SORCS3: variants seen among roughly 807,000 people sequenced by gnomAD.
SORCS3 encodes the protein VPS10 domain-containing receptor SorCS3.
SORCS3 carries 57 observed loss-of-function variants against 146.3 expected under a neutral mutation model. The observed-to-expected ratio is 0.39, with a 90% CI of 0.31 to 0.49. The LOEUF (loss-of-function observed/expected upper bound fraction) is 0.49, where lower values mean the gene tolerates loss of function less well. Among genes scored for constraint, SORCS3 ranks in the 20% least tolerant of loss-of-function variants. The pLI, the probability that SORCS3 is intolerant of heterozygous loss-of-function variation, is 0.92. For synonymous variants in SORCS3, 653 were observed against 618.5 expected (o/e 1.06, Z -0.83); for missense variants, 1,341 against 1,575.5 (o/e 0.85, Z 2.52).
chr10:104,687,099 A>G (rs1157620665), intron 1 of SORCS3, among the ~76,000 whole-genome samples: 5 of 152,136 alleles, frequency 3.3e-5, no homozygotes, highest in Non-Finnish European at 7.4e-5. Flanking sequence ...CCATGCATTC[A>G]TCTTTCCATC....
At chr10:104,715,688 T>C (rs1056478876) in intron 1 of SORCS3, among the ~76,000 whole-genome samples, 1 of 152,200 alleles carries the variant, frequency 6.6e-6, no homozygotes, top group Non-Finnish European at 1.5e-5. Context: ...TCTAGGTGTA[T>C]TTTAAAATGT....
intron 1 of SORCS3, among the ~76,000 whole-genome samples, chr10:104,832,524 C>A (rs759047088): frequency 6.6e-6 from 1 of 152,232 alleles, no homozygotes; most frequent in East Asian, 1.9e-4. Context: ...TTGAGACCAG[C>A]CTTGCCAACA....
intron 1 of SORCS3, among the ~76,000 whole-genome samples, chr10:104,697,334 A>T (rs756680080): frequency 2.6e-5 from 4 of 152,154 alleles, no homozygotes; most frequent in Admixed American, 6.6e-5. Context: ...GTTAAATTGG[A>T]TTGAAGGCTA....
At chr10:104,687,510 G>A (rs2133419578) in intron 1 of SORCS3, among the ~76,000 whole-genome samples, 1 of 152,260 alleles carries the variant, frequency 6.6e-6, no homozygotes, top group Admixed American at 6.5e-5. Context: ...TACACACTAA[G>A]GTGTAAATGA....
intron 1 of SORCS3, among the ~76,000 whole-genome samples, chr10:104,709,505 T>C (rs1243561285): frequency 6.6e-6 from 1 of 152,246 alleles, no homozygotes; most frequent in Non-Finnish European, 1.5e-5. Context: ...ACATCATTCA[T>C]GTAATACTAA....
intron 1 of SORCS3, among the ~76,000 whole-genome samples, chr10:104,758,536 G>C (rs540077170): frequency 6.6e-6 from 1 of 152,254 alleles, no homozygotes; most frequent in African/African-American, 2.4e-5. Context: ...TGCAGAGGGG[G>C]AAACTTTGTC....
rs543778168 is a variant in SORCS3, at chr10:105,066,746, T to G, written c.1029-23029T>G. On this transcript the variant is annotated intron_variant, in intron 5 of 26. Coordinates refer to ENST00000369701, the MANE Select transcript of SORCS3 (RefSeq NM_014978.3). Reference sequence around the variant, plus strand: ...GTTTTCTAATTGGCTTCCCCTCCTATTCCTCCTATTTGGAGGAGTCAGGCT... The same window carrying G: ...GTTTTCTAATTGGCTTCCCCTCCTAGTCCTCCTATTTGGAGGAGTCAGGCT... Among the ~76,000 whole-genome samples, 10 of 152,234 alleles carry G rather than the reference T, an allele frequency of 6.6e-5. No homozygotes were observed. In the South Asian group the frequency reaches 2.1e-3, roughly 32 times the overall value.
chr10:104,709,263 C>G (rs2016384966), intron 1 of SORCS3, among the ~76,000 whole-genome samples: 1 of 152,106 alleles, frequency 6.6e-6, no homozygotes, highest in Non-Finnish European at 1.5e-5. Context: ...ACATGGAATT[C>G]ATTCATCTCC....
chr10:104,995,574 T>C (rs1399931250), intron 4 of SORCS3, among the ~76,000 whole-genome samples: 2 of 152,206 alleles, frequency 1.3e-5, no homozygotes, highest in East Asian at 1.9e-4. Flanking sequence ...ATCTATATGT[T>C]TTCTATGGTT....
At chr10:105,180,418 A>G (rs1589675854) in intron 14 of SORCS3, among the ~76,000 whole-genome samples, 1 of 152,246 alleles carries the variant, frequency 6.6e-6, no homozygotes, top group Non-Finnish European at 1.5e-5. Flanking sequence ...GGAAGTCAGT[A>G]ATCGTTGAAT....
At chr10:104,653,140 G>T (rs1206164517) in intron 1 of SORCS3, among the ~76,000 whole-genome samples, 2 of 152,278 alleles carry the variant, frequency 1.3e-5, no homozygotes, top group African/African-American at 4.8e-5. Context: ...AGTGTCCTGA[G>T]CTTTGAGGTC....
chr10:104,750,240 A>G (rs1158890010), intron 1 of SORCS3, among the ~76,000 whole-genome samples: 3 of 152,216 alleles, frequency 2.0e-5, no homozygotes, highest in African/African-American at 7.2e-5. Context: ...GGTGCAAGCA[A>G]TTCATGCTAG....
chr10:104,668,889 C>T (rs1238360894), intron 1 of SORCS3, among the ~76,000 whole-genome samples: 1 of 152,196 alleles, frequency 6.6e-6, no homozygotes, highest in Non-Finnish European at 1.5e-5. Context: ...TCCCCAAGTG[C>T]GATTCTGACA....
At chr10:104,708,909 C>G (rs2016380578) in intron 1 of SORCS3, among the ~76,000 whole-genome samples, 1 of 152,190 alleles carries the variant, frequency 6.6e-6, no homozygotes. Flanking sequence ...AAACAGAGTA[C>G]TATTGCAAAA....
intron 1 of SORCS3, among the ~76,000 whole-genome samples, chr10:104,704,264 C>T (rs937344162): frequency 2.6e-5 from 4 of 151,396 alleles, no homozygotes; most frequent in Non-Finnish European, 5.9e-5. Flanking sequence ...ACTTCCTAGA[C>T]TCAAGTGATC....
At chr10:105,200,959 A>C (rs1044936120) in intron 15 of SORCS3, among the ~76,000 whole-genome samples, 161 bp from the exon 16 acceptor site, 2 of 152,148 alleles carry the variant, frequency 1.3e-5, no homozygotes, top group Non-Finnish European at 2.9e-5. Flanking sequence ...GTGAAAGATT[A>C]GCACTTTTAT....
intron 4 of SORCS3, among the ~76,000 whole-genome samples, chr10:105,018,461 A>G (rs1467433519): frequency 6.6e-6 from 1 of 152,234 alleles, no homozygotes; most frequent in African/African-American, 2.4e-5. Flanking sequence ...ACATGAACTA[A>G]TTGGAGGAGG....
At chr10:105,235,622 T>G (rs1226133160) in intron 20 of SORCS3, among the ~76,000 whole-genome samples, 1 of 152,036 alleles carries the variant, frequency 6.6e-6, no homozygotes, top group South Asian at 2.1e-4. Flanking sequence ...AAATAAATAT[T>G]CAGTTTCTGG....
intron 1 of SORCS3, among the ~76,000 whole-genome samples, chr10:104,732,633 C>G (rs914290221): frequency 6.6e-5 from 10 of 152,146 alleles, no homozygotes; most frequent in Admixed American, 6.5e-4. Context: ...CTCTTGCACG[C>G]GTGCATGCTG....
Sources: allele counts gnomAD v4.1 joint callset (sites outside exome capture counted in the v4.1 genomes callset), GRCh38; gene constraint gnomAD v4.1.1; transcripts MANE v1.5; gene names NCBI Gene and HGNC (gene_info 2026-07-23, HGNC 2026-07-21).